Variants in CNTN5 observed in about 807,000 individuals in gnomAD.
CNTN5 encodes contactin-5.
CNTN5 carries 77 observed loss-of-function variants against 129.1 expected under a neutral mutation model. That is an observed-to-expected ratio of 0.60 (90% CI 0.50 to 0.72). The LOEUF (loss-of-function observed/expected upper bound fraction) is 0.72, where lower values mean the gene tolerates loss of function less well. Among genes scored for constraint, CNTN5 ranks in the 30% least tolerant of loss-of-function variants. CNTN5 has a pLI of 0.00. For synonymous variants in CNTN5, 509 were observed against 465.6 expected, an observed-to-expected ratio of 1.09 and a Z score of -1.20; for missense variants, 1,478 against 1,328.8, an observed-to-expected ratio of 1.11 and a Z score of -1.75.
At chr11:99,342,613 G>T (rs994375321) in intron 2 of CNTN5, among the ~76,000 whole-genome samples, 1 of 142,292 alleles carries the variant, frequency 7.0e-6, no homozygotes, top group African/African-American at 2.6e-5. Flanking sequence ...GCAGGGCGTG[G>T]TGACACGTGC....
At chr11:99,648,524 C>G (rs530561761) in intron 3 of CNTN5, among the ~76,000 whole-genome samples, 1 of 151,742 alleles carries the variant, frequency 6.6e-6, no homozygotes, top group African/African-American at 2.4e-5. Context: ...CCTTAAAGAA[C>G]TAAAAATAGC....
chr11:99,884,372 CAAG>C (rs1283912860), intron 6 of CNTN5, among the ~76,000 whole-genome samples: 2 of 151,918 alleles, frequency 1.3e-5, no homozygotes, highest in Admixed American at 1.3e-4. Context: ...TAAAAATAAA[CAAG>C]AACTAAGACA....
chr11:99,894,640 A>T (rs769705807), intron 6 of CNTN5, among the ~76,000 whole-genome samples: 1 of 152,164 alleles, frequency 6.6e-6, no homozygotes, highest in African/African-American at 2.4e-5. Flanking sequence ...TGAGAACTAA[A>T]TATTTATAAA....
rs185565729 is a variant in CNTN5, at chr11:99,882,020, T to G, written c.578-34034T>G. The stretch of plus-strand genomic sequence containing the variant: ...CAGAAGCCTGACAGATAAGCTCAGA[T>G]AGTGTAGTTTAGCACTGAAATTGTG... On this transcript the variant is annotated intron_variant, in intron 6 of 24. Coordinates refer to ENST00000524871, the MANE Select transcript of CNTN5 (RefSeq NM_014361.4). 1.6e-3 allele frequency among the ~76,000 whole-genome samples: 237 copies of G among 152,298 alleles called. 1 individual carries two copies. The highest frequency in any genetic ancestry group is 5.4e-3 in the African/African-American group (224 of 41,566).
intron 1 of CNTN5, among the ~76,000 whole-genome samples, chr11:99,084,297 T>C (rs1865914162): frequency 6.6e-6 from 1 of 152,232 alleles, no homozygotes; most frequent in South Asian, 2.1e-4. Flanking sequence ...TCTTTGTGAC[T>C]TTTGTTTCTC....
At chr11:99,134,333 G>A (rs1329652692) in intron 1 of CNTN5, among the ~76,000 whole-genome samples, 2 of 152,092 alleles carry the variant, frequency 1.3e-5, no homozygotes, top group Admixed American at 6.5e-5. Flanking sequence ...GTTGACAGGT[G>A]CAGCAAACCA....
intron 1 of CNTN5, among the ~76,000 whole-genome samples, chr11:99,282,583 A>G (rs888557913): frequency 3.9e-5 from 6 of 152,102 alleles, no homozygotes; most frequent in Non-Finnish European, 7.4e-5. Flanking sequence ...CATTCATATT[A>G]TGTCTAACAA....
chr11:99,682,531 G>T (rs931934950), intron 3 of CNTN5, among the ~76,000 whole-genome samples: 3 of 151,950 alleles, frequency 2.0e-5, no homozygotes, highest in African/African-American at 7.2e-5. Context: ...TTTTTTAAAA[G>T]GAGACAATAC....
intron 2 of CNTN5, among the ~76,000 whole-genome samples, chr11:99,328,286 G>A (rs920704401): frequency 6.6e-6 from 1 of 152,092 alleles, no homozygotes; most frequent in African/African-American, 2.4e-5. Flanking sequence ...ATGAATACTC[G>A]AAAGAATTTC....
At chr11:99,246,051 T>G (rs1372671993) in intron 1 of CNTN5, among the ~76,000 whole-genome samples, 1 of 152,166 alleles carries the variant, frequency 6.6e-6, no homozygotes, top group African/African-American at 2.4e-5. Context: ...CTCATAAACT[T>G]GGTTAGTTGA....
intron 2 of CNTN5, among the ~76,000 whole-genome samples, chr11:99,485,364 C>T (rs1172828680): frequency 1.3e-5 from 2 of 151,778 alleles, no homozygotes; most frequent in Admixed American, 6.6e-5. Context: ...AACTATGTGT[C>T]ATTATATATT....
chr11:99,939,318 A>G (rs1472622202), intron 7 of CNTN5, among the ~76,000 whole-genome samples: 1 of 152,024 alleles, frequency 6.6e-6, no homozygotes, highest in Non-Finnish European at 1.5e-5. Context: ...TATTAGCTTC[A>G]TTTTTTAGCG....
In CNTN5 at chr11:99,971,199, G is replaced by T. The variant is rs573126585; in HGVS notation, c.877+14190G>T. On this transcript the variant is annotated intron_variant, in intron 8 of 24. Transcript: ENST00000524871. ...GACATTTCACTCACTACCCAGTAGA[G>T]CTCAGTATTACCTGAGATGTTGAGA... Among the ~76,000 whole-genome samples the T allele has an allele frequency of 4.6e-5, 7 of 152,212 alleles. No individual in the cohort carries two copies. In the South Asian group the frequency reaches 1.5e-3, roughly 32 times the overall value.
chr11:99,043,055 A>G (rs910061983), intron 1 of CNTN5, among the ~76,000 whole-genome samples: 1 of 152,198 alleles, frequency 6.6e-6, no homozygotes, highest in Non-Finnish European at 1.5e-5. Context: ...AGCCGTTCCT[A>G]TCCTTATAAG....
At chr11:99,727,078 T>G (rs370336066) in intron 3 of CNTN5, among the ~76,000 whole-genome samples, 4,226 of 149,158 alleles carry the variant, frequency 0.028, 71 homozygotes, top group Non-Finnish European at 0.044. Context: ...AGGCCGAGGC[T>G]GGTGGATCAT....
intron 2 of CNTN5, among the ~76,000 whole-genome samples, chr11:99,440,494 C>G (rs1306211694): frequency 6.6e-6 from 1 of 151,982 alleles, no homozygotes; most frequent in Admixed American, 6.6e-5. Context: ...GTTGTCTAAT[C>G]CACTGTGCTT....
intron 2 of CNTN5, among the ~76,000 whole-genome samples, chr11:99,403,012 T>A (rs1941893493): frequency 8.8e-5 from 1 of 11,332 alleles, no homozygotes; most frequent in South Asian, 4.4e-3. Context: ...AAACTTCTTT[T>A]TTTTTTTTTT....
intron 3 of CNTN5, among the ~76,000 whole-genome samples, chr11:99,637,163 T>G: frequency 6.6e-6 from 1 of 151,744 alleles, no homozygotes; most frequent in Non-Finnish European, 1.5e-5. Context: ...AATTGTTTTC[T>G]ACCTTACCCT....
At position 99,269,344 on chromosome 11, in the gene CNTN5, C is replaced by T. The variant is rs1863062202; in HGVS notation, c.-209-56002C>T. Among the ~76,000 whole-genome samples, 4 of 149,216 alleles carry T rather than the reference C, an allele frequency of 2.7e-5. No individual in the cohort carries two copies. In the South Asian group the frequency reaches 8.5e-4, roughly 32 times the overall value. ...TATACATGACATATTTTTATTTGTT[C>T]CCTGATTTTTTTTTTTAAATCGTGG... is the stretch of plus-strand genomic sequence containing the variant. On this transcript the variant is annotated intron_variant, in intron 1 of 24. Transcript: ENST00000524871.
Sources: gnomAD v4.1 joint callset for allele counts (sites outside exome capture counted in the v4.1 genomes callset) on GRCh38, gnomAD v4.1.1 for gene constraint, MANE v1.5 for transcripts, NCBI Gene and HGNC (gene_info 2026-07-23, HGNC 2026-07-21) for gene names.